The following ACOXL variants were observed in gnomAD, a reference collection of about 807,000 sequenced individuals.
The protein encoded by ACOXL is acyl-coenzyme A oxidase-like protein.
ACOXL carries 70 observed loss-of-function variants against 71.9 expected under a neutral mutation model. The ratio of observed to expected loss-of-function variants is 0.97; its 90% CI spans 0.80 to 1.19. The LOEUF (loss-of-function observed/expected upper bound fraction) is 1.19, where lower values mean the gene tolerates loss of function less well. Among genes scored for constraint, ACOXL ranks in the 50% most tolerant of loss-of-function variants. The probability of loss-of-function intolerance (pLI) is 0.00; values close to 1 mark genes in which losing one functional copy is unlikely to be tolerated. For synonymous variants in ACOXL, 253 were observed against 281.6 expected, an observed-to-expected ratio of 0.90 and a Z score of 1.02; for missense variants, 703 against 736.3, an observed-to-expected ratio of 0.95 and a Z score of 0.52.
intron 10 of ACOXL, among the ~76,000 whole-genome samples, chr2:110,841,822 G>C (rs17524344): frequency 0.06 from 9,147 of 152,192 alleles, 396 homozygotes; most frequent in Middle Eastern, 0.12. Context: ...CTGTGTCTTA[G>C]GATGCCTGAC....
intron 1 of ACOXL, among the ~76,000 whole-genome samples, chr2:110,767,352 G>A (rs1460042414): frequency 6.6e-6 from 1 of 152,176 alleles, no homozygotes; most frequent in African/African-American, 2.4e-5. Flanking sequence ...GGATTGGTGG[G>A]GAGAACCCTC....
intron 9 of ACOXL, among the ~76,000 whole-genome samples, chr2:110,811,057 G>C (rs1402986008): frequency 6.6e-6 from 1 of 152,178 alleles, no homozygotes; most frequent in Non-Finnish European, 1.5e-5. Context: ...TCTTCACCGG[G>C]TCCCTTCCAT....
At chr2:110,895,667 T>TAGAGAGAG (rs3058996) in intron 10 of ACOXL, among the ~76,000 whole-genome samples, 3,410 of 148,450 alleles carry the variant, frequency 0.023, 34 homozygotes, top group South Asian at 0.045. Context: ...TTGAAAACAA[T>TAGAGAGAG]AGAGAGAGAG....
At chr2:110,824,593 A>G (rs1211393930) in intron 9 of ACOXL, among the ~76,000 whole-genome samples, 2 of 150,388 alleles carry the variant, frequency 1.3e-5, no homozygotes, top group South Asian at 2.1e-4. Context: ...TTTCATTTCT[A>G]TTTTGCTGTT....
intron 11 of ACOXL, among the ~76,000 whole-genome samples, chr2:110,930,459 G>A (rs1312002937): frequency 1.3e-5 from 2 of 152,184 alleles, no homozygotes; most frequent in African/African-American, 4.8e-5. Context: ...GCTTTGACTT[G>A]CTTTGTCTCA....
chr2:110,884,789 G>A (rs540902579), intron 10 of ACOXL, among the ~76,000 whole-genome samples: 1 of 151,928 alleles, frequency 6.6e-6, no homozygotes, highest in East Asian at 1.9e-4. Flanking sequence ...TTCAATAAAG[G>A]CTTCTAAAAG....
At chr2:110,742,697 A>G (rs768261925) in intron 1 of ACOXL, among the ~76,000 whole-genome samples, 13 of 152,218 alleles carry the variant, frequency 8.5e-5, no homozygotes, top group Non-Finnish European at 1.6e-4. Flanking sequence ...TGAACTCTCA[A>G]TAGTAATAGC....
chr2:111,021,842 G>T (rs1162770094), intron 14 of ACOXL, among the ~76,000 whole-genome samples: 4 of 151,790 alleles, frequency 2.6e-5, no homozygotes, highest in African/African-American at 9.7e-5. Context: ...ATAAAAACGA[G>T]ATCTGTTTCT....
intron 13 of ACOXL, among the ~76,000 whole-genome samples, chr2:110,988,318 G>A (rs1282766259): frequency 6.6e-6 from 1 of 152,126 alleles, no homozygotes; most frequent in Non-Finnish European, 1.5e-5. Context: ...GCACATGCCT[G>A]TGGTCCCAGC....
intron 9 of ACOXL, among the ~76,000 whole-genome samples, chr2:110,826,380 G>A (rs1311839310): frequency 1.3e-5 from 2 of 152,196 alleles, no homozygotes; most frequent in Non-Finnish European, 2.9e-5. Context: ...AGGCAAGATA[G>A]CATGTTCTCT....
chr2:110,949,252 G>C (rs2149400658), intron 12 of ACOXL, among the ~76,000 whole-genome samples: 1 of 152,288 alleles, frequency 6.6e-6, no homozygotes, highest in East Asian at 1.9e-4. Context: ...AGAAGGATCT[G>C]TCTGGGGTCC....
At chr2:111,108,383 T>TTTTTTTTTG in intron 17 of ACOXL, among the ~76,000 whole-genome samples, 1 of 137,198 alleles carries the variant, frequency 7.3e-6, no homozygotes, top group South Asian at 2.4e-4. Context: ...TTTTTTTTTT[T>TTTTTTTTTG]TTTTTTTTTT....
chr2:110,880,156 A>AC (rs1254455653), intron 10 of ACOXL, among the ~76,000 whole-genome samples: 23 of 74,992 alleles, frequency 3.1e-4, no homozygotes, highest in African/African-American at 7.8e-4. Context: ...TCACAAACAA[A>AC]AAAAAAAAAA....
At chr2:111,056,786 T>TC (rs2066562427) in intron 16 of ACOXL, among the ~76,000 whole-genome samples, 1 of 69,632 alleles carries the variant, frequency 1.4e-5, no homozygotes, top group South Asian at 4.5e-4. Context: ...AGACTCTGTC[T>TC]CCAAAAAAAA....
At chr2:110,760,320 A>G (rs751185962) in intron 1 of ACOXL, among the ~76,000 whole-genome samples, 2 of 151,298 alleles carry the variant, frequency 1.3e-5, no homozygotes, top group Non-Finnish European at 2.9e-5. Context: ...TTTTTTTTGC[A>G]TTTTTAGTAG....
chr2:110,871,947 G>A (rs770993527), intron 10 of ACOXL, among the ~76,000 whole-genome samples: 12 of 152,274 alleles, frequency 7.9e-5, no homozygotes, highest in South Asian at 4.1e-4. Flanking sequence ...CCACCTCTGC[G>A]TAACAAACCA....
intron 12 of ACOXL, among the ~76,000 whole-genome samples, chr2:110,937,511 C>T (rs979694025): frequency 7.9e-5 from 12 of 152,210 alleles, no homozygotes; most frequent in Non-Finnish European, 1.6e-4. Flanking sequence ...CCCTTCTCCT[C>T]TCCACTCCCA....
intron 11 of ACOXL, among the ~76,000 whole-genome samples, chr2:110,916,422 GA>G (rs1343765171): frequency 2.6e-5 from 4 of 152,032 alleles, no homozygotes; most frequent in African/African-American, 9.7e-5. Context: ...TGTTTAGGGG[GA>G]AATTTATAGC....
At chr2:111,101,054 T>A (rs1236726245) in intron 17 of ACOXL, 1 of 152,656 alleles carries the variant, frequency 6.6e-6, no homozygotes, top group Non-Finnish European at 1.5e-5. Context: ...CAATGGCATC[T>A]TGCTTTATTC....
Sources: gnomAD v4.1 joint callset for allele counts (sites outside exome capture counted in the v4.1 genomes callset) on GRCh38, gnomAD v4.1.1 for gene constraint, MANE v1.5 for transcripts, NCBI Gene and HGNC (gene_info 2026-07-23, HGNC 2026-07-21) for gene names.